The following CADPS2 variants were observed in gnomAD, a reference collection of about 807,000 sequenced individuals.
CADPS2 encodes calcium dependent secretion activator 2, also known as calcium-dependent secretion activator 2.
In CADPS2, 93 loss-of-function variants were observed where a neutral mutation model predicts 172.5. That is an observed-to-expected ratio of 0.54 (90% CI 0.46 to 0.64). CADPS2 has a LOEUF of 0.64. Among genes scored for constraint, CADPS2 ranks in the 30% least tolerant of loss-of-function variants. The pLI is 0.00. For missense variants in CADPS2, 1,420 were observed against 1,565.9 expected (o/e 0.91, Z 1.57); for synonymous variants, 546 against 555.2 (o/e 0.98, Z 0.23).
chr7:122,637,837 C>A (rs1197086698), intron 3 of CADPS2, among the ~76,000 whole-genome samples: 1 of 152,152 alleles, frequency 6.6e-6, no homozygotes, highest in Admixed American at 6.5e-5. Flanking sequence ...CAGTTGGCTC[C>A]ATTTCTGGGT....
intron 2 of CADPS2, among the ~76,000 whole-genome samples, chr7:122,704,959 T>G (rs1368525701): frequency 6.6e-6 from 1 of 151,864 alleles, no homozygotes; most frequent in African/African-American, 2.4e-5. Flanking sequence ...AAAATATCAA[T>G]AGTAAGGTTA....
intron 20 of CADPS2, among the ~76,000 whole-genome samples, chr7:122,404,014 A>G (rs182926284): frequency 1.1e-4 from 17 of 152,188 alleles, no homozygotes; most frequent in African/African-American, 3.6e-4. Context: ...TATTATACTT[A>G]AAGTTTTAGG....
At chr7:122,534,080 A>G (rs1322469707) in intron 8 of CADPS2, among the ~76,000 whole-genome samples, 1 of 152,108 alleles carries the variant, frequency 6.6e-6, no homozygotes, top group African/African-American at 2.4e-5. Flanking sequence ...TAATATTCAC[A>G]TCTCCAGCTC....
At chr7:122,496,806 AATT>A (rs1156686853) in intron 9 of CADPS2, among the ~76,000 whole-genome samples, 15 of 152,218 alleles carry the variant, frequency 9.9e-5, no homozygotes, top group African/African-American at 3.6e-4. Flanking sequence ...CATGTCTTGT[AATT>A]ATTATTCAGT....
intron 11 of CADPS2, among the ~76,000 whole-genome samples, chr7:122,483,511 T>C (rs1029836706): frequency 9.9e-5 from 15 of 152,112 alleles, no homozygotes; most frequent in Admixed American, 9.2e-4. Flanking sequence ...TATTAGATGA[T>C]GAAAGGCACT....
Position 122,681,368 on chromosome 7 carries a change from G to T in CADPS2, c.454-17799C>A, listed in dbSNP as rs2083017623. ...GTGCCAAAAAGGGCCGCGGCCACGT[G>T]CAACCTGTTCGCTGTACTAACTGTG... On this transcript the variant is annotated intron_variant, in intron 2 of 29. Coordinates refer to ENST00000449022, the MANE Select transcript of CADPS2 (RefSeq NM_017954.11). The T allele has an allele frequency of 2.4e-5, 36 of 1,499,910 alleles. 1 individual carries two copies. In the South Asian group the frequency reaches 3.9e-4, roughly 16 times the overall value. The allele number at this position is 1,499,910 out of a possible 1,614,324, so 92.9% of individuals were successfully genotyped here.
At chr7:122,748,201 A>G (rs10269727) in intron 1 of CADPS2, among the ~76,000 whole-genome samples, 7,969 of 152,238 alleles carry the variant, frequency 0.052, 250 homozygotes, top group South Asian at 0.069. Flanking sequence ...GAGGGAGCAG[A>G]CAAAGCCTAA....
chr7:122,850,233 G>A, intron 1 of CADPS2: 1 of 1,046,716 alleles, frequency 9.6e-7, no homozygotes, highest in Non-Finnish European at 1.3e-6. Flanking sequence ...GGGACCCAGA[G>A]GCCCCCTGAC....
chr7:122,601,809 T>G (rs1699326312), intron 6 of CADPS2, among the ~76,000 whole-genome samples: 1 of 151,998 alleles, frequency 6.6e-6, no homozygotes, highest in South Asian at 2.1e-4. Context: ...GAAAATTTTC[T>G]TCAAATTTCA....
At chr7:122,800,065 T>C (rs1388834421) in intron 1 of CADPS2, among the ~76,000 whole-genome samples, 3 of 152,210 alleles carry the variant, frequency 2.0e-5, no homozygotes, top group African/African-American at 7.2e-5. Flanking sequence ...ATAAATTGTA[T>C]TTAACAAGTG....
At chr7:122,782,066 T>C (rs1332106790) in intron 1 of CADPS2, among the ~76,000 whole-genome samples, 1 of 152,200 alleles carries the variant, frequency 6.6e-6, no homozygotes, top group East Asian at 1.9e-4. Context: ...TATTTTACAG[T>C]TGTATCATAT....
At chr7:122,472,770 TAA>T (rs1237876207) in intron 13 of CADPS2, among the ~76,000 whole-genome samples, 2 of 152,212 alleles carry the variant, frequency 1.3e-5, no homozygotes, top group African/African-American at 4.8e-5. Context: ...CATGTGATTG[TAA>T]AGTTTGAGTT....
chr7:122,404,370 C>T (rs1038627570), intron 20 of CADPS2, among the ~76,000 whole-genome samples: 2 of 152,190 alleles, frequency 1.3e-5, no homozygotes, highest in Admixed American at 1.3e-4. Flanking sequence ...ATATGGGCCA[C>T]ATTTCTTAAT....
chr7:122,702,830 G>C (rs1489087051), intron 2 of CADPS2: 1 of 1,084,886 alleles, frequency 9.2e-7, no homozygotes, highest in Non-Finnish European at 1.3e-6. Context: ...AAGATAGCTT[G>C]TTGGCGGCAG....
rs2090316022 is a variant in CADPS2 at position 122,720,878 on chromosome 7, T to G, written c.453+16077A>C. Among the ~76,000 whole-genome samples, 9 of 152,146 alleles carry G rather than the reference T, an allele frequency of 5.9e-5. No individual in the cohort carries two copies. The South Asian group carries it at 1.9e-3, about 32-fold the overall frequency. On this transcript the variant is annotated intron_variant, in intron 2 of 29. Transcript: ENST00000449022. Reference sequence around the variant, plus strand: ...CATAAAGCTGGGGTGTATTTTTTTGTACATCAAAAATGGCCAAATATTGGC... The same window carrying G: ...CATAAAGCTGGGGTGTATTTTTTTGGACATCAAAAATGGCCAAATATTGGC...
chr7:122,529,803 T>C (rs1168411629), intron 8 of CADPS2, among the ~76,000 whole-genome samples: 1 of 152,138 alleles, frequency 6.6e-6, no homozygotes, highest in Non-Finnish European at 1.5e-5. Context: ...GGTATGAGGT[T>C]TGATTCAATT....
rs1422836039 is a variant in CADPS2, at chr7:122,788,217, T to C, written c.340-51149A>G. 2.6e-5 allele frequency among the ~76,000 whole-genome samples: 4 copies of C among 152,200 alleles called. No individual in the cohort carries two copies. The East Asian group carries it at 7.7e-4, about 29-fold the overall frequency. ...CCCCTTTCTTTGTCTACTAGTAGTTTTCTGACTCACTGGGAAACTTTGTGC... is the reference window on the plus strand; with the variant it reads ...CCCCTTTCTTTGTCTACTAGTAGTTCTCTGACTCACTGGGAAACTTTGTGC... On this transcript the variant is annotated intron_variant, in intron 1 of 29. Transcript: ENST00000449022.
intron 1 of CADPS2, among the ~76,000 whole-genome samples, chr7:122,827,051 A>G (rs1290209442): frequency 6.6e-6 from 1 of 152,172 alleles, no homozygotes; most frequent in African/African-American, 2.4e-5. Flanking sequence ...AAAAGAGACA[A>G]TAATAAGAAG....
chr7:122,352,065 A>C (rs1442599711), intron 27 of CADPS2, among the ~76,000 whole-genome samples: 1 of 152,210 alleles, frequency 6.6e-6, no homozygotes, highest in African/African-American at 2.4e-5. Context: ...TGCCTTCCCC[A>C]TTTGGGACTA....
Sources: gnomAD v4.1 joint callset for allele counts (sites outside exome capture counted in the v4.1 genomes callset) on GRCh38, gnomAD v4.1.1 for gene constraint, MANE v1.5 for transcripts, NCBI Gene and HGNC (gene_info 2026-07-23, HGNC 2026-07-21) for gene names.